The following RBFOX1 variants were observed in gnomAD, a reference collection of about 807,000 sequenced individuals.
The protein encoded by RBFOX1 is RNA binding protein fox-1 homolog 1.
RBFOX1 carries 8 observed loss-of-function variants against 57.7 expected under a neutral mutation model. The observed-to-expected ratio is 0.14, with a 90% CI of 0.08 to 0.25. RBFOX1 has a LOEUF of 0.25. RBFOX1 is among the 10% of genes least tolerant of loss of function. The probability of loss-of-function intolerance (pLI) is 1.00; values close to 1 mark genes in which losing one functional copy is unlikely to be tolerated. For synonymous variants in RBFOX1, 326 were observed against 222.4 expected, an observed-to-expected ratio of 1.47 and a Z score of -4.15; for missense variants, 611 against 548.5, an observed-to-expected ratio of 1.11 and a Z score of -1.14.
intron 2 of RBFOX1, among the ~76,000 whole-genome samples, chr16:6,341,411 C>A (rs756959245): frequency 6.6e-6 from 1 of 152,008 alleles, no homozygotes; most frequent in Admixed American, 6.6e-5. Flanking sequence ...ACTTCCTGGG[C>A]GGCATTCATA....
intron 2 of RBFOX1, among the ~76,000 whole-genome samples, chr16:5,516,300 A>G (rs561132745): frequency 1.3e-5 from 2 of 151,536 alleles, no homozygotes; most frequent in Admixed American, 6.6e-5. Context: ...GTCTCCCATC[A>G]CTTCCTGTGT....
intron 3 of RBFOX1, among the ~76,000 whole-genome samples, chr16:6,983,068 A>C (rs1364714147): frequency 1.3e-5 from 2 of 150,682 alleles, no homozygotes; most frequent in Non-Finnish European, 2.9e-5. Flanking sequence ...ATCTAACATC[A>C]CATTACTGGG....
chr16:6,838,335 A>G (rs1183931332), intron 3 of RBFOX1, among the ~76,000 whole-genome samples: 1 of 152,036 alleles, frequency 6.6e-6, no homozygotes, highest in African/African-American at 2.4e-5. Context: ...AGCTTCACCC[A>G]TGTCCCTGCA....
intron 1 of RBFOX1, among the ~76,000 whole-genome samples, chr16:6,248,069 G>A (rs2097579255): frequency 6.6e-6 from 1 of 152,140 alleles, no homozygotes; most frequent in Non-Finnish European, 1.5e-5. Context: ...GTTATTAAAA[G>A]CAGCCTCTCT....
chr16:6,719,679 C>T (rs1449233740), intron 3 of RBFOX1, among the ~76,000 whole-genome samples: 1 of 151,886 alleles, frequency 6.6e-6, no homozygotes, highest in Admixed American at 6.6e-5. Flanking sequence ...ATCTCCTGAC[C>T]TTGTGATCCA....
At chr16:6,991,886 A>G (rs550700708) in intron 3 of RBFOX1, among the ~76,000 whole-genome samples, 5 of 152,268 alleles carry the variant, frequency 3.3e-5, no homozygotes, top group Admixed American at 1.3e-4. Flanking sequence ...AGGGTTTTGT[A>G]TCAAATTCAG....
intron 2 of RBFOX1, among the ~76,000 whole-genome samples, chr16:6,382,112 T>G (rs2091871946): frequency 6.6e-6 from 1 of 152,222 alleles, no homozygotes; most frequent in Admixed American, 6.5e-5. Flanking sequence ...AATAATACTT[T>G]ATTTATGGAT....
At chr16:6,340,196 A>G (rs1039222679) in intron 2 of RBFOX1, among the ~76,000 whole-genome samples, 2 of 152,140 alleles carry the variant, frequency 1.3e-5, no homozygotes, top group Non-Finnish European at 2.9e-5. Context: ...AGTGATGAAT[A>G]GTATGGGTGC....
At chr16:7,327,856 T>A (rs920222162) in intron 4 of RBFOX1, among the ~76,000 whole-genome samples, 1 of 151,996 alleles carries the variant, frequency 6.6e-6, no homozygotes, top group Non-Finnish European at 1.5e-5. Context: ...ATCATGATCA[T>A]CATCATCCCC....
At chr16:7,288,912 C>T (rs1048179137) in intron 4 of RBFOX1, among the ~76,000 whole-genome samples, 1 of 152,142 alleles carries the variant, frequency 6.6e-6, no homozygotes, top group African/African-American at 2.4e-5. Flanking sequence ...ATTGGCTATG[C>T]AGGGGAACAA....
At chr16:6,901,709 T>C (rs1018144251) in intron 3 of RBFOX1, among the ~76,000 whole-genome samples, 1 of 152,212 alleles carries the variant, frequency 6.6e-6, no homozygotes, top group African/African-American at 2.4e-5. Flanking sequence ...ATTTGTTACA[T>C]GGAAGCTCAT....
At chr16:5,785,471 T>G (rs1239461801) in intron 3 of RBFOX1, among the ~76,000 whole-genome samples, 1 of 152,180 alleles carries the variant, frequency 6.6e-6, no homozygotes, top group Non-Finnish European at 1.5e-5. Flanking sequence ...CTTCTGTATA[T>G]TATCAGGGTC....
rs201428796 is a variant in RBFOX1, at chr16:7,110,013, G to GA, written c.27+57916dup. Reference sequence around the variant, plus strand: ...ACAAGCCTGATTATCTTACAGGGAGGAGGAGTTATAATTCACCTGTTTATT... The same window carrying GA: ...ACAAGCCTGATTATCTTACAGGGAGGAAGGAGTTATAATTCACCTGTTTATT... On this transcript the variant is annotated intron_variant, in intron 4 of 15. Transcript: ENST00000550418. 9.3e-4 allele frequency among the ~76,000 whole-genome samples: 142 copies of GA among 152,166 alleles called. No homozygotes were observed. The East Asian group carries it at 0.017, about 19-fold the overall frequency.
At chr16:6,848,935 C>T (rs2093915097) in intron 3 of RBFOX1, among the ~76,000 whole-genome samples, 1 of 152,064 alleles carries the variant, frequency 6.6e-6, no homozygotes, top group African/African-American at 2.4e-5. Flanking sequence ...AATGTCTCAC[C>T]CTGGGTAATT....
intron 4 of RBFOX1, among the ~76,000 whole-genome samples, chr16:5,991,087 G>A (rs1038411503): frequency 2.6e-5 from 4 of 152,224 alleles, no homozygotes; most frequent in Non-Finnish European, 5.9e-5. Context: ...TATTTTGAAA[G>A]CATTCTTTGT....
Position 7,712,977 on chromosome 16 carries a change from T to A in RBFOX1, c.*2232T>A, listed in dbSNP as rs2084215692. The A allele has an allele frequency of 6.6e-6, 1 of 152,236 alleles. No individual in the cohort carries two copies. Among genetic ancestry groups the A allele is most frequent in the Non-Finnish European group, 1.5e-5 (1 of 68,044 alleles). 9.4% of individuals were successfully genotyped at this position (152,236 alleles called of 1,614,324 possible). On this transcript the variant is annotated 3_prime_UTR_variant, in exon 16 of 16. Coordinates refer to ENST00000550418, the MANE Select transcript of RBFOX1 (RefSeq NM_018723.4). ...ATGACTGTATGTAGTTTTAATAAAA[T>A]CATTTAGAGTGAGTGAGTGCCAACC...
intron 4 of RBFOX1, among the ~76,000 whole-genome samples, chr16:7,448,043 G>A (rs1439127648): frequency 6.6e-6 from 1 of 152,172 alleles, no homozygotes; most frequent in Non-Finnish European, 1.5e-5. Flanking sequence ...GCATGTGAAA[G>A]TTGTAAAACA....
chr16:6,456,908 G>T (rs955470483), intron 2 of RBFOX1, among the ~76,000 whole-genome samples: 1 of 152,082 alleles, frequency 6.6e-6, no homozygotes, highest in Non-Finnish European at 1.5e-5. Flanking sequence ...GAAAGTATTG[G>T]GTCTTAGTGA....
intron 3 of RBFOX1, among the ~76,000 whole-genome samples, chr16:5,855,244 C>A (rs2056995713): frequency 6.6e-6 from 1 of 152,112 alleles, no homozygotes; most frequent in Admixed American, 6.5e-5. Flanking sequence ...CCTACTTGTT[C>A]ATTTTTGCTT....
Sources: gnomAD v4.1 joint callset for allele counts (sites outside exome capture counted in the v4.1 genomes callset) on GRCh38, gnomAD v4.1.1 for gene constraint, MANE v1.5 for transcripts, NCBI Gene and HGNC (gene_info 2026-07-23, HGNC 2026-07-21) for gene names.